The following MRPS27 variants were observed in gnomAD, a reference collection of about 807,000 sequenced individuals.
The protein encoded by MRPS27 is small ribosomal subunit protein mS27.
In MRPS27, 43 loss-of-function variants were observed where a neutral mutation model predicts 48.9. The observed-to-expected ratio is 0.88, with a 90% CI of 0.69 to 1.13. The LOEUF is 1.13. MRPS27 is among the 50% of genes most tolerant of loss of function. MRPS27 has a pLI of 0.00. For synonymous variants in MRPS27, 188 were observed against 171.9 expected, an observed-to-expected ratio of 1.09 and a Z score of -0.73; for missense variants, 467 against 476.3, an observed-to-expected ratio of 0.98 and a Z score of 0.18.
chr5:72,230,581 G>A (rs1410707842), intron 7 of MRPS27, among the ~76,000 whole-genome samples: 1 of 152,074 alleles, frequency 6.6e-6, no homozygotes, highest in African/African-American at 2.4e-5. Context: ...ACACATTCCT[G>A]ATTTCCCTTC....
chr5:72,270,205 T>C (rs1056098391), intron 4 of MRPS27, among the ~76,000 whole-genome samples: 2 of 145,082 alleles, frequency 1.4e-5, no homozygotes, highest in Admixed American at 6.9e-5. Flanking sequence ...ATAATAATAA[T>C]AATAATAATA....
chr5:72,319,650 T>C (rs1423403167), intron 1 of MRPS27, among the ~76,000 whole-genome samples: 1 of 151,268 alleles, frequency 6.6e-6, no homozygotes, highest in East Asian at 2.0e-4. Context: ...TTCAAGCGAT[T>C]ATCCTGCCTC....
chr5:72,305,890 A>T (rs2112078587), intron 2 of MRPS27, among the ~76,000 whole-genome samples: 1 of 152,352 alleles, frequency 6.6e-6, no homozygotes, highest in South Asian at 2.1e-4. Flanking sequence ...TCAGCAAGTT[A>T]GTGGAGGAAT....
chr5:72,297,562 C>A, intron 3 of MRPS27, 70 bp downstream of exon 3: 7 of 917,440 alleles, frequency 7.6e-6, no homozygotes, highest in South Asian at 1.5e-5. Context: ...TACACAGCCT[C>A]ATCTACATGA....
Position 72,307,661 on chromosome 5 carries a change from A to T in MRPS27, c.151+6420T>A, listed in dbSNP as rs7714270. 6.4e-3 allele frequency among the ~76,000 whole-genome samples: 934 copies of T among 146,874 alleles called. 9 individuals carry two copies. Among genetic ancestry groups the T allele is most frequent in the African/African-American group, 0.023 (892 of 39,028 alleles). On this transcript the variant is annotated intron_variant, in intron 2 of 10. Transcript: ENST00000261413. ...TATACCAAGGTGTCTACACCTTCAA[A>T]TGTTAAAACACTAAAAAAAAAAAAT...
chr5:72,231,333 C>T (rs2111948104), intron 7 of MRPS27, among the ~76,000 whole-genome samples: 1 of 152,246 alleles, frequency 6.6e-6, no homozygotes, highest in South Asian at 2.1e-4. Flanking sequence ...AGTCATCCTT[C>T]AATAGTAACC....
At chr5:72,253,922 G>C (rs1748728278) in intron 4 of MRPS27, among the ~76,000 whole-genome samples, 1 of 152,104 alleles carries the variant, frequency 6.6e-6, no homozygotes, top group African/African-American at 2.4e-5. Context: ...TAATGTTGCA[G>C]CAATTTCCTT....
At chr5:72,297,069 C>T (rs1334445861) in intron 3 of MRPS27, among the ~76,000 whole-genome samples, 1 of 152,118 alleles carries the variant, frequency 6.6e-6, no homozygotes, top group East Asian at 1.9e-4. Context: ...GTTATTAAAC[C>T]ATGTCTTACA....
chr5:72,231,403 A>G (rs895320579), intron 7 of MRPS27, among the ~76,000 whole-genome samples: 2 of 152,090 alleles, frequency 1.3e-5, no homozygotes, highest in Admixed American at 6.6e-5. Flanking sequence ...ATACAGAGAA[A>G]ACTCCCTATA....
rs1455745199 is a variant in MRPS27, at chr5:72,238,030, T to C, written c.380A>G (p.Tyr127Cys). ...ACAACTCACCTTATTTACAAGGGTA[T>C]ATAGGGCTTTGTCTTGTGCATCATA... Reference protein sequence around the residue: ...LKYDAQDKALYTLVNKVQYGI... With the variant: ...LKYDAQDKALCTLVNKVQYGI... Residue 127 changes from tyrosine to cysteine, a missense_variant, in exon 5 of 11, where the codon TAT (tyrosine) becomes TGT (cysteine). Coordinates refer to ENST00000261413, the MANE Select transcript of MRPS27 (RefSeq NM_015084.3). 1.9e-6 allele frequency: 3 copies of C among 1,611,630 alleles called. No homozygotes were observed. The highest frequency in any genetic ancestry group is 1.7e-5 in the Admixed American group (1 of 59,912).
rs906549031 is a variant in MRPS27 at position 72,268,318 on chromosome 5, C to T, written c.281+27213G>A. Among the ~76,000 whole-genome samples, 6 of 152,318 alleles carry T rather than the reference C, an allele frequency of 3.9e-5. 1 individual carries two copies. The South Asian group carries it at 1.2e-3, about 32-fold the overall frequency. On this transcript the variant is annotated intron_variant, in intron 4 of 10. Transcript: ENST00000261413. ...AAAAGTCCAGAGGCTTTATAGACTT[C>T]TACAAACAAGTAAAAACAAATACTC... is the stretch of plus-strand genomic sequence containing the variant.
intron 4 of MRPS27, among the ~76,000 whole-genome samples, chr5:72,258,801 C>G (rs1748884555): frequency 6.6e-6 from 1 of 152,178 alleles, no homozygotes; most frequent in Non-Finnish European, 1.5e-5. Context: ...ACTACTCAGT[C>G]TCAGGCATTC....
rs751446042 is a variant in MRPS27, at chr5:72,223,762, C to A, written c.926G>T (p.Gly309Val). The A allele has an allele frequency of 3.7e-6, 6 of 1,613,800 alleles. No individual in the cohort carries two copies. In the African/African-American group the frequency reaches 5.3e-5, roughly 14 times the overall value. The change falls in exon 10 of 11, where the codon GGG becomes GTG. Residue 309 changes from glycine to valine, a missense_variant. Coordinates refer to ENST00000261413, the MANE Select transcript of MRPS27 (RefSeq NM_015084.3). ...EQSQNDEDNQGSEKLVEQLDI... is the reference protein window; with the variant it reads ...EQSQNDEDNQVSEKLVEQLDI... ...TAACTGCTCCACCAGTTTTTCTGAC[C>A]CCTGGTTGTCTTCATCATTTTGGGA...
chr5:72,224,288 G>T (rs1259603357), intron 9 of MRPS27, among the ~76,000 whole-genome samples: 1 of 152,128 alleles, frequency 6.6e-6, no homozygotes, highest in South Asian at 2.1e-4. Flanking sequence ...GAGCCTGGGA[G>T]GTGGAGGCTA....
intron 4 of MRPS27, among the ~76,000 whole-genome samples, chr5:72,244,870 GCTCTCTCTCTCT>G (rs5868631): frequency 6.7e-6 from 1 of 149,626 alleles, no homozygotes; most frequent in Admixed American, 6.7e-5. Flanking sequence ...AAGCTCTGCT[GCTCTCTCTCTCT>G]CTCTCTCTCT....
At chr5:72,252,835 C>T (rs115479963) in intron 4 of MRPS27, among the ~76,000 whole-genome samples, 165 of 152,176 alleles carry the variant, frequency 1.1e-3, no homozygotes, top group African/African-American at 3.9e-3. Flanking sequence ...GTTGGGGGAC[C>T]GCCAAAATCC....
intron 4 of MRPS27, among the ~76,000 whole-genome samples, chr5:72,270,720 C>A (rs557389079): frequency 2.5e-4 from 38 of 152,244 alleles, no homozygotes; most frequent in Non-Finnish European, 3.4e-4. Context: ...AATTTGGAGT[C>A]CAGTCTTACT....
rs1338692764 is a variant in MRPS27, at chr5:72,238,025, G to T, written c.385C>A (p.Leu129Ile). The change falls in exon 5 of 11, where the codon CTT becomes ATT. Residue 129 changes from leucine to isoleucine, a missense_variant. Coordinates refer to ENST00000261413, the MANE Select transcript of MRPS27 (RefSeq NM_015084.3). ...YDAQDKALYT[L>I]VNKVQYGIFP... is the part of the protein sequence containing the mutation. The stretch of plus-strand genomic sequence containing the variant: ...ACGGAACAACTCACCTTATTTACAA[G>T]GGTATATAGGGCTTTGTCTTGTGCA... 1.2e-6 allele frequency: 2 copies of T among 1,609,876 alleles called. No individual in the cohort carries two copies. Among genetic ancestry groups the T allele is most frequent in the Admixed American group, 1.7e-5 (1 of 59,922 alleles).
chr5:72,246,421 G>C (rs1006699167), intron 4 of MRPS27, among the ~76,000 whole-genome samples: 1 of 152,278 alleles, frequency 6.6e-6, no homozygotes, highest in African/African-American at 2.4e-5. Flanking sequence ...ATGATACATG[G>C]ATTCTTTAAT....
Sources: gnomAD v4.1 joint callset for allele counts (sites outside exome capture counted in the v4.1 genomes callset) on GRCh38, gnomAD v4.1.1 for gene constraint, MANE v1.5 for transcripts, NCBI Gene and HGNC (gene_info 2026-07-23, HGNC 2026-07-21) for gene names.